STAMBP: variants seen among roughly 807,000 people sequenced by gnomAD.
STAMBP encodes the protein STAM-binding protein.
A neutral mutation model predicts 50.7 loss-of-function variants in STAMBP; 31 were observed. The observed-to-expected ratio is 0.61, with a 90% confidence interval of 0.46 to 0.83. The LOEUF (loss-of-function observed/expected upper bound fraction) is 0.83. STAMBP is among the 40% of genes least tolerant of loss of function. The pLI is 0.00. For missense variants in STAMBP, 472 were observed against 518.9 expected, an observed-to-expected ratio of 0.91 and a Z score of 0.88; for synonymous variants, 211 against 192.4, an observed-to-expected ratio of 1.10 and a Z score of -0.80.
downstream of STAMBP, among the ~76,000 whole-genome samples, chr2:73,870,823 G>A (rs893564710): frequency 3.3e-5 from 5 of 152,156 alleles, no homozygotes; most frequent in African/African-American, 4.8e-5. Flanking sequence ...CCTGTGCCAC[G>A]TTGAACAGCT....
At chr2:73,845,135 GTTCTAA>G in intron 3 of STAMBP, 26 bp from the exon 4 acceptor site, 1 of 1,606,968 alleles carries the variant, frequency 6.2e-7, no homozygotes, top group Non-Finnish European at 8.5e-7. Flanking sequence ...TTCTGGCATT[GTTCTAA>G]TTCTATTTTC....
chr2:73,846,133 A>G (rs531284498), intron 4 of STAMBP, among the ~76,000 whole-genome samples: 15 of 152,266 alleles, frequency 9.9e-5, no homozygotes, highest in Admixed American at 7.2e-4. Flanking sequence ...ATATACTTCT[A>G]AAGCACCAAG....
Position 73,850,877 on chromosome 2 carries a change from C to A in STAMBP, c.1005+364C>A, listed in dbSNP as rs201779083. 1.3e-5 allele frequency among the ~76,000 whole-genome samples: 2 copies of A among 152,022 alleles called. No individual in the cohort carries two copies. Among genetic ancestry groups the A allele is most frequent in the African/African-American group, 2.4e-5 (1 of 41,376 alleles). On this transcript the variant is annotated intron_variant, in intron 7 of 9. Transcript: ENST00000394070. The surrounding 1 kb of genome is among the most constrained non-coding windows in gnomAD (Gnocchi z 4.3). ...TGATGTTCCTTAAAGGTATATAATTCAAAATATTTTAAATGAGCCAAGGAG... is the reference window on the plus strand; with the variant it reads ...TGATGTTCCTTAAAGGTATATAATTAAAAATATTTTAAATGAGCCAAGGAG...
At chr2:73,831,186 C>A in intron 2 of STAMBP, 127 bp downstream of exon 2, 2 of 729,172 alleles carry the variant, frequency 2.7e-6, no homozygotes, top group Non-Finnish European at 4.7e-6. Context: ...GCAACTCCTA[C>A]ATATTGGCTG....
At chr2:73,837,456 G>C (rs972637084) in intron 2 of STAMBP, among the ~76,000 whole-genome samples, 2 of 151,638 alleles carry the variant, frequency 1.3e-5, no homozygotes, top group Non-Finnish European at 2.9e-5. Context: ...ATGGTGGCAG[G>C]TGCCTGTAGT....
downstream of STAMBP, among the ~76,000 whole-genome samples, chr2:73,869,779 A>G (rs1326272169): frequency 6.6e-6 from 1 of 152,192 alleles, no homozygotes; most frequent in Non-Finnish European, 1.5e-5. Context: ...AGTTAAAGTA[A>G]TTTGATACTG....
At chr2:73,858,159 A>ATTTTTTTT (rs35630978) in intron 7 of STAMBP, among the ~76,000 whole-genome samples, 1 of 68,344 alleles carries the variant, frequency 1.5e-5, no homozygotes, top group Non-Finnish European at 2.8e-5. Flanking sequence ...ATTGTTTTGT[A>ATTTTTTTT]TTTTTTTTTT....
Position 73,830,872 on chromosome 2 carries a change from G to A in STAMBP, c.16G>A (p.Asp6Asn), listed in dbSNP as rs759835016. 6.2e-7 allele frequency: 1 copy of A among 1,613,172 alleles called. No homozygotes were observed. The highest frequency in any genetic ancestry group is 8.5e-7 in the Non-Finnish European group (1 of 1,179,968). Reference sequence around the variant, plus strand: ...CTTGGTCCTGATGTCTGACCATGGAGATGTGAGCCTCCCGCCCGAAGACCG... The same window carrying A: ...CTTGGTCCTGATGTCTGACCATGGAAATGTGAGCCTCCCGCCCGAAGACCG... MSDHG[D>N]VSLPPEDRVR... The change falls in exon 2 of 10, where the codon GAT becomes AAT. Residue 6 changes from aspartate to asparagine, a missense_variant. Physicochemically the swap from Asp to Asn is conservative, Grantham distance 23. Coordinates refer to ENST00000394070, the MANE Select transcript of STAMBP (RefSeq NM_213622.4).
chr2:73,835,380 A>C (rs1446228364), intron 2 of STAMBP, among the ~76,000 whole-genome samples: 5 of 150,110 alleles, frequency 3.3e-5, no homozygotes, highest in Non-Finnish European at 7.4e-5. Context: ...AAGAGATGTC[A>C]CTAATGTTGC....
intron 7 of STAMBP, among the ~76,000 whole-genome samples, chr2:73,852,418 A>G (rs1457904447): frequency 2.0e-5 from 3 of 152,178 alleles, no homozygotes; most frequent in Non-Finnish European, 4.4e-5. Context: ...GGAGGTAGTT[A>G]TCAGCCAGTT....
Position 73,850,295 on chromosome 2 carries a change from AC to A in STAMBP, c.868-79del. ...AGGGCTTTCACTTGTATAGATGCTT[AC>A]CTTTCCACTGTCGGGATGGAGTGGA... On this transcript the variant is annotated intron_variant, in intron 6 of 9. Transcript: ENST00000394070. This position sits in a 1 kb window ranked among gnomAD's most constrained non-coding sequence, Gnocchi z 4.3. The A allele has an allele frequency of 6.6e-7, 1 of 1,513,606 alleles. No homozygotes were observed. The highest frequency in any genetic ancestry group is 1.3e-5 in the South Asian group (1 of 75,630). 93.8% of individuals were successfully genotyped at this position (1,513,606 alleles called of 1,614,324 possible).
chr2:73,868,211 C>T (rs1679043402), downstream of STAMBP, among the ~76,000 whole-genome samples: 1 of 151,212 alleles, frequency 6.6e-6, no homozygotes, highest in African/African-American at 2.4e-5. Context: ...CACACACACA[C>T]ACTTCACATC....
In STAMBP at chr2:73,862,314, C is replaced by T. The variant is rs1678431006; in HGVS notation, c.*55C>T. ...ACAAAACCATATCAGTGTACTGTAG[C>T]CCCTTAATTTAAGCTTTCTAGAAAG... On this transcript the variant is annotated 3_prime_UTR_variant, in exon 10 of 10. Transcript: ENST00000394070. 1.7e-5 allele frequency: 25 copies of T among 1,494,572 alleles called. No individual in the cohort carries two copies. In the South Asian group the frequency reaches 3.1e-4, roughly 19 times the overall value. 92.6% of individuals were successfully genotyped at this position (1,494,572 alleles called of 1,614,324 possible).
rs534004454 is a variant in STAMBP at position 73,849,506 on chromosome 2, C to A, written c.867+19C>A. On this transcript the variant is annotated intron_variant, in intron 6 of 9. Transcript: ENST00000394070. ...AAAACTGGTAAAAAGAAAAAAAAAACCAAACTCTTCTCTGAACCGAAACTG... is the reference window on the plus strand; with the variant it reads ...AAAACTGGTAAAAAGAAAAAAAAAAACAAACTCTTCTCTGAACCGAAACTG... 5.2e-4 allele frequency: 811 copies of A among 1,568,750 alleles called. 10 individuals are homozygous for A. The South Asian group carries it at 6.8e-3, about 13-fold the overall frequency.
intron 7 of STAMBP, among the ~76,000 whole-genome samples, chr2:73,858,102 C>T (rs1677797378): frequency 6.6e-6 from 1 of 151,820 alleles, no homozygotes; most frequent in African/African-American, 2.4e-5. Flanking sequence ...CCTGCCTCAA[C>T]CTCCTAAGTA....
At chr2:73,830,228 T>C (rs1397709359) in intron 1 of STAMBP, among the ~76,000 whole-genome samples, 1 of 152,240 alleles carries the variant, frequency 6.6e-6, no homozygotes, top group African/African-American at 2.4e-5. Flanking sequence ...TAATGATGAA[T>C]GAATGATTTT....
intron 2 of STAMBP, among the ~76,000 whole-genome samples, chr2:73,832,362 G>T (rs1046669869): frequency 6.6e-6 from 1 of 151,480 alleles, no homozygotes; most frequent in Admixed American, 6.6e-5. Flanking sequence ...GGCTAAGGCA[G>T]GAGAATCGCT....
chr2:73,860,133 G>A lies in STAMBP; in HGVS notation c.1200G>A (p.Lys400=). ...AGAAAGGATTTCATCCACACAGCAAGGATCCACCTCTGTTCTGTGTACGTA... is the reference window on the plus strand; with the variant it reads ...AGAAAGGATTTCATCCACACAGCAAAGATCCACCTCTGTTCTGTGTACGTA... ...CRQKGFHPHS[K]DPPLFCSCSH... Residue 400 remains lysine, a synonymous_variant, in exon 9 of 10, where the codon AAG becomes AAA. Coordinates refer to ENST00000394070, the MANE Select transcript of STAMBP (RefSeq NM_213622.4). 1 of 1,613,802 alleles carries A rather than the reference G, an allele frequency of 6.2e-7. No homozygotes were observed. The highest frequency in any genetic ancestry group is 8.5e-7 in the Non-Finnish European group (1 of 1,179,868).
At chr2:73,837,584 CAAAAAAAAAAAAAAAAAA>C (rs56397494) in intron 2 of STAMBP, among the ~76,000 whole-genome samples, 1 of 40,914 alleles carries the variant, frequency 2.4e-5, no homozygotes, top group East Asian at 7.7e-4. Flanking sequence ...GACTCCATCT[CAAAAAAAAAAAAAAAAAA>C]AAAAAAAAAA....
Sources: gnomAD v4.1 joint callset for allele counts (sites outside exome capture counted in the v4.1 genomes callset) on GRCh38, gnomAD v4.1.1 for gene constraint, Gnocchi (gnomAD v3.1) non-coding constraint, MANE v1.5 for transcripts, NCBI Gene and HGNC (gene_info 2026-07-23, HGNC 2026-07-21) for gene names.